DLG2: variants seen among roughly 807,000 people sequenced by gnomAD.
The protein encoded by DLG2 is disks large homolog 2.
In DLG2, 45 loss-of-function variants were observed where a neutral mutation model predicts 132.5. The ratio of observed to expected loss-of-function variants is 0.34; its 90% CI spans 0.27 to 0.44. The LOEUF is 0.44. Among genes scored for constraint, DLG2 ranks in the 20% least tolerant of loss-of-function variants. DLG2 has a pLI of 1.00. For missense variants in DLG2, 1,045 were observed against 1,196.9 expected (o/e 0.87, Z 1.87); for synonymous variants, 424 against 419.6 (o/e 1.01, Z -0.13).
intron 7 of DLG2, among the ~76,000 whole-genome samples, chr11:84,453,379 T>C (rs2099056819): frequency 6.6e-6 from 1 of 151,652 alleles, no homozygotes; most frequent in African/African-American, 2.4e-5. Flanking sequence ...TGAGGTTCTA[T>C]GTAATGGAAC....
rs148981722 is a variant in DLG2 at position 84,940,407 on chromosome 11, C to T, written c.357+171254G>A. ...ACCTCAGATGATCCACCTGCCTAGG[C>T]CTCCCAAAGTGCTGGGATTACAGGC... On this transcript the variant is annotated intron_variant, in intron 6 of 27. Coordinates refer to ENST00000376104, the MANE Select transcript of DLG2 (RefSeq NM_001142699.3). Among the ~76,000 whole-genome samples, 410 of 152,326 alleles carry T rather than the reference C, an allele frequency of 2.7e-3. 1 individual carries two copies. Among genetic ancestry groups the T allele is most frequent in the Non-Finnish European group, 4.6e-3 (316 of 68,024 alleles).
In DLG2 at chr11:83,879,537, G is replaced by A. The variant is rs150079241; in HGVS notation, c.1497-5049C>T. ...TACTTTCCTTCTCTCTTAATATAGC[G>A]CATGCATTAAATTGTCACTATTCTT... On this transcript the variant is annotated intron_variant, in intron 15 of 27. Transcript: ENST00000376104. 1.6e-3 allele frequency among the ~76,000 whole-genome samples: 247 copies of A among 151,326 alleles called. 1 individual carries two copies. Among genetic ancestry groups the A allele is most frequent in the African/African-American group, 5.6e-3 (231 of 41,194 alleles).
intron 21 of DLG2, among the ~76,000 whole-genome samples, chr11:83,487,705 T>C (rs1345866456): frequency 6.6e-6 from 1 of 152,092 alleles, no homozygotes; most frequent in African/African-American, 2.4e-5. Context: ...CAGATGCTAT[T>C]GGATTCAACA....
chr11:83,521,060 C>T, intron 21 of DLG2, among the ~76,000 whole-genome samples: 1 of 152,168 alleles, frequency 6.6e-6, no homozygotes, highest in East Asian at 1.9e-4. Flanking sequence ...TCCTTGTTTT[C>T]CCCCAGGCCC....
chr11:83,876,331 A>G (rs917834507), intron 15 of DLG2, among the ~76,000 whole-genome samples: 1 of 152,168 alleles, frequency 6.6e-6, no homozygotes, highest in Admixed American at 6.6e-5. Context: ...AAATAAGAAT[A>G]ATTACTGTAT....
chr11:85,303,334 A>C (rs181133197), intron 3 of DLG2, among the ~76,000 whole-genome samples: 1 of 152,318 alleles, frequency 6.6e-6, no homozygotes, highest in East Asian at 1.9e-4. Flanking sequence ...CTGGCATCTT[A>C]CTGTACATAG....
At position 84,443,593 on chromosome 11, in the gene DLG2, G is replaced by A. The variant is rs180989177; in HGVS notation, c.519+90977C>T. 2.9e-3 allele frequency among the ~76,000 whole-genome samples: 434 copies of A among 152,172 alleles called. 1 individual carries two copies. Among genetic ancestry groups the A allele is most frequent in the African/African-American group, 0.01 (418 of 41,536 alleles). ...AGTGTAATCAGACATTCATGTTTCC[G>A]AAACATAATATATAATGTTAACTCT... On this transcript the variant is annotated intron_variant, in intron 7 of 27. Coordinates refer to ENST00000376104, the MANE Select transcript of DLG2 (RefSeq NM_001142699.3).
At chr11:85,066,508 G>A (rs2064945298) in intron 6 of DLG2, among the ~76,000 whole-genome samples, 1 of 151,340 alleles carries the variant, frequency 6.6e-6, no homozygotes, top group Admixed American at 6.6e-5. Flanking sequence ...AAAATTATAG[G>A]CCAATATACC....
chr11:84,950,728 TACACAC>T (rs35040490), intron 6 of DLG2, among the ~76,000 whole-genome samples: 4 of 150,172 alleles, frequency 2.7e-5, no homozygotes, highest in Admixed American at 6.6e-5. Context: ...CGCACGTGCA[TACACAC>T]ACACACACAC....
intron 6 of DLG2, among the ~76,000 whole-genome samples, chr11:84,746,153 A>AG (rs1280218395): frequency 6.6e-6 from 1 of 152,066 alleles, no homozygotes; most frequent in African/African-American, 2.4e-5. Context: ...GCTGTGGGCA[A>AG]GGGGTCACTG....
intron 18 of DLG2, among the ~76,000 whole-genome samples, chr11:83,662,936 C>T (rs1438646380): frequency 6.6e-6 from 1 of 152,164 alleles, no homozygotes; most frequent in Non-Finnish European, 1.5e-5. Context: ...CTGTTGGTCT[C>T]TAGCTTCAGG....
chr11:84,572,583 C>T (rs2099488066), intron 6 of DLG2, among the ~76,000 whole-genome samples: 2 of 152,132 alleles, frequency 1.3e-5, no homozygotes, highest in Non-Finnish European at 2.9e-5. Flanking sequence ...GACCTAAATC[C>T]TGCCTTTTAG....
chr11:83,619,111 T>A (rs2061273366), intron 19 of DLG2, among the ~76,000 whole-genome samples: 1 of 152,202 alleles, frequency 6.6e-6, no homozygotes, highest in Non-Finnish European at 1.5e-5. Context: ...GCAATCGTCT[T>A]ATCCTCTGTG....
chr11:83,796,562 T>G lies in DLG2; in HGVS notation c.1723-9770A>C, dbSNP rs143442532. Among the ~76,000 whole-genome samples, 118 of 152,246 alleles carry G rather than the reference T, an allele frequency of 7.8e-4. 1 individual carries two copies. Among genetic ancestry groups the G allele is most frequent in the African/African-American group, 2.8e-3 (115 of 41,552 alleles). ...AATTCTCCTTCCCTAGTTTCTAAAT[T>G]CTATTTTTTGTTATCTCTTATGGGT... On this transcript the variant is annotated intron_variant, in intron 17 of 27. Coordinates refer to ENST00000376104, the MANE Select transcript of DLG2 (RefSeq NM_001142699.3).
At chr11:84,645,621 C>T (rs919743735) in intron 6 of DLG2, among the ~76,000 whole-genome samples, 1 of 152,158 alleles carries the variant, frequency 6.6e-6, no homozygotes, top group African/African-American at 2.4e-5. Context: ...GCGCCCACCA[C>T]CATGCCCGGC....
intron 6 of DLG2, among the ~76,000 whole-genome samples, chr11:84,775,167 A>T (rs1337186402): frequency 3.3e-5 from 5 of 152,118 alleles, no homozygotes; most frequent in Non-Finnish European, 7.4e-5. Context: ...CAGCCAACAA[A>T]CATGAAAAAA....
intron 5 of DLG2, among the ~76,000 whole-genome samples, chr11:85,119,668 T>G (rs2074078910): frequency 6.6e-6 from 1 of 152,014 alleles, no homozygotes; most frequent in Non-Finnish European, 1.5e-5. Context: ...CTGTAACTTC[T>G]AAAACAAGCT....
chr11:85,302,843 T>C (rs1174414057), intron 3 of DLG2, among the ~76,000 whole-genome samples: 1 of 152,076 alleles, frequency 6.6e-6, no homozygotes, highest in African/African-American at 2.4e-5. Context: ...AAAGGCTTAC[T>C]TTTATTGAGC....
chr11:85,600,889 C>CT (rs373287185), intron 2 of DLG2, among the ~76,000 whole-genome samples: 20 of 152,286 alleles, frequency 1.3e-4, no homozygotes, highest in African/African-American at 4.8e-4. Flanking sequence ...TACTTTATCA[C>CT]TTTCTTATCA....
Sources: gnomAD v4.1 joint callset for allele counts (sites outside exome capture counted in the v4.1 genomes callset) on GRCh38, gnomAD v4.1.1 for gene constraint, MANE v1.5 for transcripts, NCBI Gene and HGNC (gene_info 2026-07-23, HGNC 2026-07-21) for gene names.